Variants in MYO16 observed in about 807,000 individuals in gnomAD.
MYO16 encodes the protein unconventional myosin-XVI.
A neutral mutation model predicts 205.3 loss-of-function variants in MYO16; 94 were observed. That is an observed-to-expected ratio of 0.46 (90% CI 0.39 to 0.54). The LOEUF (loss-of-function observed/expected upper bound fraction) is 0.54. Among genes scored for constraint, MYO16 ranks in the 20% least tolerant of loss-of-function variants. MYO16 has a pLI of 0.00. For missense variants in MYO16, 2,315 were observed against 2,387.5 expected, an observed-to-expected ratio of 0.97 and a Z score of 0.63; for synonymous variants, 988 against 954.0, an observed-to-expected ratio of 1.04 and a Z score of -0.66.
chr13:109,091,924 TTTCTG>T (rs537511503), intron 27 of MYO16, among the ~76,000 whole-genome samples: 4 of 152,206 alleles, frequency 2.6e-5, no homozygotes, highest in South Asian at 4.1e-4. Flanking sequence ...AACCGCATCT[TTTCTG>T]AGGTATAATT....
rs567734606 is a variant in MYO16, at chr13:109,107,702, A to T, written c.3438+6815A>T. On this transcript the variant is annotated intron_variant, in intron 28 of 34. Transcript: ENST00000457511. ...CCTATAAAATGATTCTTTCTTCTGT[A>T]TCCTTTCTCCTTCTCTGGAATTATA... 1.1e-4 allele frequency among the ~76,000 whole-genome samples: 16 copies of T among 151,876 alleles called. No homozygotes were observed. In the South Asian group the frequency reaches 3.3e-3, roughly 31 times the overall value.
intron 1 of MYO16, among the ~76,000 whole-genome samples, chr13:108,659,726 T>A (rs1050405667): frequency 6.6e-6 from 1 of 152,126 alleles, no homozygotes; most frequent in African/African-American, 2.4e-5. Flanking sequence ...ATTTCTTCCA[T>A]CAACATAATT....
At position 108,770,035 on chromosome 13, in the gene MYO16, A is replaced by G. The variant is rs192984246; in HGVS notation, c.508-15600A>G. Among the ~76,000 whole-genome samples, 27 of 152,292 alleles carry G rather than the reference A, an allele frequency of 1.8e-4. 1 individual carries two copies. In the East Asian group the frequency reaches 5.0e-3, roughly 28 times the overall value. Reference sequence around the variant, plus strand: ...AAATAAAATGGCTAAGTGAATTGGTATATAAATGTAATGGAATGTGGCGTA... The same window carrying G: ...AAATAAAATGGCTAAGTGAATTGGTGTATAAATGTAATGGAATGTGGCGTA... On this transcript the variant is annotated intron_variant, in intron 4 of 34. Coordinates refer to ENST00000457511, the MANE Select transcript of MYO16 (RefSeq NM_001198950.3).
At chr13:108,801,107 T>G (rs568704778) in intron 6 of MYO16, among the ~76,000 whole-genome samples, 2 of 152,244 alleles carry the variant, frequency 1.3e-5, no homozygotes, top group Non-Finnish European at 2.9e-5. Flanking sequence ...TTCCCAAAAT[T>G]TTAATATCTT....
intron 21 of MYO16, among the ~76,000 whole-genome samples, chr13:108,994,082 CAT>C (rs1298954460): frequency 2.6e-5 from 4 of 152,116 alleles, no homozygotes; most frequent in Non-Finnish European, 4.4e-5. Context: ...CTTACTGAAA[CAT>C]ATTTATTTTA....
At chr13:108,759,362 G>T (rs565070100) in intron 4 of MYO16, among the ~76,000 whole-genome samples, 1 of 152,088 alleles carries the variant, frequency 6.6e-6, no homozygotes, top group African/African-American at 2.4e-5. Context: ...TACTATTCCT[G>T]TACTTTTGGT....
rs4000581 is a variant in MYO16 at position 109,199,192 on chromosome 13, GTATATATATATATATATATATATATATA to G, written c.5416-7396_5416-7369del. Among the ~76,000 whole-genome samples the G allele has an allele frequency of 2.6e-3, 193 of 75,592 alleles. 11 individuals carry two copies. The highest frequency in any genetic ancestry group is 3.5e-3 in the African/African-American group (68 of 19,188). The allele number at this position is 75,592 out of a possible 152,430, so 49.6% of individuals were successfully genotyped here. On this transcript the variant is annotated intron_variant, in intron 34 of 34. Transcript: ENST00000457511. ...TCAAGTAAATGGTTTAATAAAAAAG[GTATATATATATATATATATATATATATA>G]TATATATATATATATATATACCGTC...
chr13:109,101,768 T>A (rs1309691789), intron 28 of MYO16: 1 of 152,200 alleles, frequency 6.6e-6, no homozygotes, highest in Non-Finnish European at 1.5e-5. Context: ...AAAGCTTTGA[T>A]AAAAATATGA....
chr13:108,643,875 G>C (rs965849187), intron 1 of MYO16, among the ~76,000 whole-genome samples: 1 of 152,132 alleles, frequency 6.6e-6, no homozygotes, highest in Admixed American at 6.5e-5. Flanking sequence ...GAAATTCTTG[G>C]CCTGCCATGG....
the MYO16 span, among the ~76,000 whole-genome samples, chr13:108,570,663 T>C: frequency 6.6e-5 from 10 of 152,262 alleles, no homozygotes; most frequent in Non-Finnish European, 1.5e-4. Context: ...TACAAGTGTC[T>C]GAAATACCTT....
intron 4 of MYO16, among the ~76,000 whole-genome samples, chr13:108,783,079 TG>T (rs1193399157): frequency 1.3e-5 from 2 of 152,016 alleles, no homozygotes; most frequent in East Asian, 3.9e-4. Flanking sequence ...GACCCCAGAA[TG>T]GTAGGTCCAC....
chr13:108,886,992 T>C (rs1293809671), intron 13 of MYO16, among the ~76,000 whole-genome samples: 1 of 152,182 alleles, frequency 6.6e-6, no homozygotes, highest in Non-Finnish European at 1.5e-5. Flanking sequence ...TCTCCATTTT[T>C]ACGAATATGA....
At chr13:108,567,407 C>T in the MYO16 span, among the ~76,000 whole-genome samples, 1 of 151,910 alleles carries the variant, frequency 6.6e-6, no homozygotes, top group African/African-American at 2.4e-5. Context: ...TTTGTTAGCC[C>T]GGGTGATAAG....
intron 16 of MYO16, among the ~76,000 whole-genome samples, chr13:108,910,603 T>C (rs1881209913): frequency 6.6e-6 from 1 of 152,154 alleles, no homozygotes; most frequent in Admixed American, 6.5e-5. Context: ...AAAGCACTTG[T>C]GTTAAAATTA....
At chr13:108,923,983 T>C (rs1881864633) in intron 16 of MYO16, among the ~76,000 whole-genome samples, 1 of 152,248 alleles carries the variant, frequency 6.6e-6, no homozygotes, top group African/African-American at 2.4e-5. Flanking sequence ...GACATTGGTA[T>C]CTTTTTACTA....
intron 28 of MYO16, among the ~76,000 whole-genome samples, chr13:109,115,217 C>T (rs11618644): frequency 9.0e-6 from 1 of 111,216 alleles, no homozygotes; most frequent in Non-Finnish European, 1.6e-5. Flanking sequence ...CAGCATTTGT[C>T]TGTACCTCCA....
Position 109,140,609 on chromosome 13 carries a change from G to C in MYO16, c.4397G>C (p.Gly1466Ala). 6.6e-7 allele frequency: 1 copy of C among 1,518,596 alleles called. No homozygotes were observed. The highest frequency in any genetic ancestry group is 8.8e-7 in the Non-Finnish European group (1 of 1,138,992). 94.1% of individuals were successfully genotyped at this position (1,518,596 alleles called of 1,614,324 possible). A position where few individuals can be genotyped will look rare whatever the true frequency, so the allele number is the denominator to read the frequency against. The change falls in exon 32 of 35, where the codon GGC (glycine) becomes GCC (alanine). Residue 1466 changes from glycine to alanine, a missense_variant. Gly to Ala is a moderately conservative substitution (Grantham distance 60, BLOSUM62 0). This residue lies in a region of MYO16 where 1,097 missense variants were observed against 1,092.0 expected (regional missense o/e 1.00). Coordinates refer to ENST00000457511, the MANE Select transcript of MYO16 (RefSeq NM_001198950.3). This position sits in a 1 kb window ranked among gnomAD's most constrained non-coding sequence, Gnocchi z 8.0. ...AAGTGTTGCCTGCCCGACGACGGCG[G>C]CCCGGGCGCGGGCTCCTTCCTGCTC... is the stretch of plus-strand genomic sequence containing the variant. ...EMKCCLPDDGGPGAGSFLLHG... is the reference protein window; with the variant it reads ...EMKCCLPDDGAPGAGSFLLHG...
At chr13:108,689,118 A>G (rs1007782890) in intron 2 of MYO16, among the ~76,000 whole-genome samples, 19 of 144,256 alleles carry the variant, frequency 1.3e-4, no homozygotes, top group Admixed American at 7.3e-5. Context: ...CAATTTTAAA[A>G]CTTTAGTTGA....
intron 12 of MYO16, among the ~76,000 whole-genome samples, chr13:108,882,832 G>A (rs1287402212): frequency 6.6e-6 from 1 of 152,104 alleles, no homozygotes; most frequent in Admixed American, 6.5e-5. Flanking sequence ...TAAAGCCTGT[G>A]GACCAAGTAA....
Sources: gnomAD v4.1 joint callset for allele counts (sites outside exome capture counted in the v4.1 genomes callset) on GRCh38, gnomAD v4.1.1 for gene constraint, gnomAD v4.1.1 regional missense constraint, Gnocchi (gnomAD v3.1) non-coding constraint, MANE v1.5 for transcripts, NCBI Gene and HGNC (gene_info 2026-07-23, HGNC 2026-07-21) for gene names.